Variants in TUSC3 observed in about 807,000 individuals in gnomAD.
TUSC3 encodes the protein tumor suppressor candidate 3.
A neutral mutation model predicts 44.8 loss-of-function variants in TUSC3; 45 were observed. The ratio of observed to expected loss-of-function variants is 1.00; its 90% CI spans 0.79 to 1.29. The LOEUF is 1.29. Among genes scored for constraint, TUSC3 ranks in the 50% most tolerant of loss-of-function variants. TUSC3 has a pLI of 0.00. For missense variants in TUSC3, 519 were observed against 437.9 expected (o/e 1.19, Z -1.65); for synonymous variants, 212 against 152.9 (o/e 1.39, Z -2.85).
chr8:15,769,108 C>A (rs536606674), downstream of TUSC3, among the ~76,000 whole-genome samples: 1 of 152,198 alleles, frequency 6.6e-6, no homozygotes, highest in South Asian at 2.1e-4. Flanking sequence ...AAAAAGCCTG[C>A]ATAACCAAGA....
intron 1 of TUSC3, among the ~76,000 whole-genome samples, chr8:15,445,113 A>G (rs570806068): frequency 1.2e-4 from 18 of 152,318 alleles, no homozygotes; most frequent in African/African-American, 4.1e-4. Context: ...TAGCCCTTCA[A>G]CTGCAAATAC....
At chr8:15,655,631 C>A (rs1323955603) in intron 3 of TUSC3, among the ~76,000 whole-genome samples, 4 of 152,196 alleles carry the variant, frequency 2.6e-5, no homozygotes, top group Non-Finnish European at 5.9e-5. Context: ...CACTCCTGCT[C>A]TAAAACTTGC....
At chr8:15,743,926 G>A (rs1462995573) in intron 8 of TUSC3, among the ~76,000 whole-genome samples, 1 of 152,078 alleles carries the variant, frequency 6.6e-6, no homozygotes, top group Non-Finnish European at 1.5e-5. Context: ...CAGAGAGATG[G>A]AAAATTTTGA....
chr8:15,844,917 T>C, the TUSC3 span, among the ~76,000 whole-genome samples: 1 of 152,162 alleles, frequency 6.6e-6, no homozygotes, highest in African/African-American at 2.4e-5. Flanking sequence ...GTGAGTGGTC[T>C]TAAAATATTT....
At chr8:15,615,768 A>C (rs1220048671) in intron 1 of TUSC3, among the ~76,000 whole-genome samples, 1 of 152,204 alleles carries the variant, frequency 6.6e-6, no homozygotes, top group Non-Finnish European at 1.5e-5. Flanking sequence ...CTGAAAAGGA[A>C]AAAAGAAAAT....
intron 1 of TUSC3, among the ~76,000 whole-genome samples, chr8:15,561,875 T>C (rs10094317): frequency 0.19 from 29,526 of 151,956 alleles, 2,888 homozygotes; most frequent in South Asian, 0.24. Context: ...GCGCACGGTG[T>C]GCGCACCCAC....
intron 6 of TUSC3, among the ~76,000 whole-genome samples, chr8:15,716,021 C>T (rs1026058174): frequency 6.6e-6 from 1 of 151,936 alleles, no homozygotes; most frequent in African/African-American, 2.4e-5. Context: ...TTTTGGAGGC[C>T]ACGGCAGGCG....
chr8:15,569,919 A>G (rs971077190), intron 1 of TUSC3, among the ~76,000 whole-genome samples: 4 of 150,738 alleles, frequency 2.7e-5, no homozygotes, highest in Non-Finnish European at 4.5e-5. Context: ...TAAATTCAGC[A>G]TTTAAAATTT....
chr8:15,843,011 C>T, the TUSC3 span, among the ~76,000 whole-genome samples: 1 of 152,252 alleles, frequency 6.6e-6, no homozygotes, highest in East Asian at 1.9e-4. Flanking sequence ...GCAACCACAG[C>T]CTGAGAACAT....
the TUSC3 span, among the ~76,000 whole-genome samples, chr8:15,807,690 G>T: frequency 3.9e-5 from 6 of 152,264 alleles, no homozygotes; most frequent in African/African-American, 1.2e-4. Context: ...CCATACAAAA[G>T]AACAAAAGCA....
intron 1 of TUSC3, among the ~76,000 whole-genome samples, chr8:15,419,397 A>G (rs563447118): frequency 2.7e-4 from 41 of 152,314 alleles, no homozygotes; most frequent in Non-Finnish European, 5.0e-4. Flanking sequence ...CTTATTGCTG[A>G]AGTCAGTTAT....
At chr8:15,840,958 T>A in the TUSC3 span, among the ~76,000 whole-genome samples, 1 of 152,138 alleles carries the variant, frequency 6.6e-6, no homozygotes. Context: ...CACTGTTGTA[T>A]TGAAAGTGGT....
intron 1 of TUSC3, among the ~76,000 whole-genome samples, chr8:15,593,575 TTTGAG>T (rs1468840117): frequency 1.3e-5 from 2 of 152,180 alleles, no homozygotes; most frequent in Non-Finnish European, 2.9e-5. Context: ...GTTGAAACCA[TTTGAG>T]TTATTTGCCA....
intron 7 of TUSC3, among the ~76,000 whole-genome samples, chr8:15,732,047 G>A (rs780059736): frequency 1.3e-5 from 2 of 152,162 alleles, no homozygotes; most frequent in African/African-American, 2.4e-5. Flanking sequence ...ATTTCTGTGT[G>A]AAGAAATGAG....
the TUSC3 span, among the ~76,000 whole-genome samples, chr8:15,831,542 C>CAAGATTG: frequency 6.6e-6 from 1 of 152,042 alleles, no homozygotes; most frequent in East Asian, 1.9e-4. Context: ...ATCTAGAAAG[C>CAAGATTG]AAAGAATTAC....
chr8:15,664,496 T>A (rs1337328976), intron 5 of TUSC3, among the ~76,000 whole-genome samples: 1 of 148,522 alleles, frequency 6.7e-6, no homozygotes, highest in Non-Finnish European at 1.5e-5. Context: ...TCTTTTACTG[T>A]GAATCTTGGA....
At chr8:15,848,911 C>T in the TUSC3 span, among the ~76,000 whole-genome samples, 1 of 152,152 alleles carries the variant, frequency 6.6e-6, no homozygotes, top group East Asian at 1.9e-4. Flanking sequence ...GCATAAACTA[C>T]CTTTGTAGTA....
chr8:15,736,026 C>T (rs1378349409), intron 7 of TUSC3, among the ~76,000 whole-genome samples: 1 of 152,046 alleles, frequency 6.6e-6, no homozygotes, highest in African/African-American at 2.4e-5. Context: ...CCACGCCCGG[C>T]GATATTTCTT....
chr8:15,513,002 A>AT (rs934299908), intron 2 of TUSC3, among the ~76,000 whole-genome samples: 16 of 143,704 alleles, frequency 1.1e-4, no homozygotes, highest in Non-Finnish European at 1.9e-4. Flanking sequence ...CATAAGTCAA[A>AT]TTTTTTTCCC....
Sources: gnomAD v4.1 joint callset for allele counts (sites outside exome capture counted in the v4.1 genomes callset) on GRCh38, gnomAD v4.1.1 for gene constraint, MANE v1.5 for transcripts, NCBI Gene and HGNC (gene_info 2026-07-23, HGNC 2026-07-21) for gene names.